The following DMD variants were observed in gnomAD, a reference collection of about 807,000 sequenced individuals.
DMD encodes mutant dystrophin.
Under a neutral mutation model 330.1 loss-of-function variants are expected in DMD, and 63 were observed. The observed-to-expected ratio is 0.19, with a 90% confidence interval of 0.16 to 0.24. DMD has a LOEUF of 0.24. DMD is among the 10% of genes least tolerant of loss of function. The probability of loss-of-function intolerance (pLI) is 1.00; values close to 1 mark genes in which losing one functional copy is unlikely to be tolerated. For synonymous variants in DMD, 1,223 were observed against 959.8 expected, an observed-to-expected ratio of 1.27 and a Z score of -5.07; for missense variants, 3,344 against 2,684.1, an observed-to-expected ratio of 1.25 and a Z score of -5.43.
At chrX:32,136,740 G>A (rs1379224880) in intron 44 of DMD, among the ~76,000 whole-genome samples, 21 of 111,190 alleles carry the variant, frequency 1.9e-4, no homozygotes, top group African/African-American at 6.9e-4. Flanking sequence ...CTAATCCACC[G>A]ATGGATGAAG....
At chrX:31,357,366 C>A (rs192256520) in intron 60 of DMD, among the ~76,000 whole-genome samples, 2 of 103,986 alleles carry the variant, frequency 1.9e-5, no homozygotes, top group Non-Finnish European at 3.9e-5. Flanking sequence ...TACCATAGAA[C>A]TGGTATTGTC....
At chrX:31,162,312 G>T (rs761613920) in intron 74 of DMD, among the ~76,000 whole-genome samples, 112 of 90,848 alleles carry the variant, frequency 1.2e-3, no homozygotes, top group African/African-American at 4.5e-3. Context: ...GGGACAATTG[G>T]CAAATGAAGG....
chrX:33,084,708 ATGAC>A, intron 1 of DMD, among the ~76,000 whole-genome samples: 1 of 111,680 alleles, frequency 9.0e-6, no homozygotes, highest in Non-Finnish European at 1.9e-5. Context: ...CTCCAGCTGC[ATGAC>A]TCCTAAACCA....
chrX:33,214,468 A>G (rs954400382), upstream of DMD, among the ~76,000 whole-genome samples: 21 of 111,284 alleles, frequency 1.9e-4, no homozygotes, highest in African/African-American at 6.9e-4. Context: ...CATATGTCCA[A>G]TATTTAGGTT....
intron 44 of DMD, among the ~76,000 whole-genome samples, chrX:32,028,679 G>A (rs376034709): frequency 3.6e-5 from 4 of 111,374 alleles, no homozygotes; most frequent in African/African-American, 6.5e-5. Flanking sequence ...AGTTGCTGCC[G>A]TCCTTCTTGA....
intron 27 of DMD, among the ~76,000 whole-genome samples, chrX:32,443,655 G>T (rs1480793295): frequency 9.0e-6 from 1 of 110,915 alleles, no homozygotes; most frequent in African/African-American, 3.3e-5. Context: ...GCATCTGAAG[G>T]ACACAGCTGG....
intron 2 of DMD, among the ~76,000 whole-genome samples, chrX:32,940,066 G>A (rs1315506849): frequency 9.0e-6 from 1 of 111,449 alleles, no homozygotes; most frequent in Non-Finnish European, 1.9e-5. Context: ...GAGCCCAAAA[G>A]TAATCCTAAG....
chrX:31,696,641 T>C (rs1413172507), intron 52 of DMD, among the ~76,000 whole-genome samples: 2 of 112,233 alleles, frequency 1.8e-5, no homozygotes, highest in Non-Finnish European at 3.8e-5. Flanking sequence ...ATTTATTAAA[T>C]AGGGAATTTG....
intron 44 of DMD, among the ~76,000 whole-genome samples, chrX:32,045,930 G>A (rs1314155895): frequency 8.9e-6 from 1 of 112,136 alleles, no homozygotes; most frequent in East Asian, 2.8e-4. Flanking sequence ...TAAATTGACT[G>A]ACAATTTCAT....
At chrX:32,427,400 G>C (rs185223169) in intron 29 of DMD, among the ~76,000 whole-genome samples, 1 of 110,824 alleles carries the variant, frequency 9.0e-6, no homozygotes, top group African/African-American at 3.3e-5. Context: ...ATAATATTTT[G>C]GGAATAATTA....
chrX:32,431,548 C>A (rs1220664691), intron 29 of DMD, among the ~76,000 whole-genome samples: 1 of 111,087 alleles, frequency 9.0e-6, no homozygotes, highest in Admixed American at 9.6e-5. Context: ...TTGTTCACAT[C>A]TTCCACCTCC....
chrX:32,602,309 G>A (rs906630430), intron 12 of DMD, among the ~76,000 whole-genome samples: 1 of 109,296 alleles, frequency 9.1e-6, no homozygotes, highest in African/African-American at 3.3e-5. Flanking sequence ...TACAATCCAT[G>A]CATGCACCCA....
intron 64 of DMD, 28 bp from the exon 65 acceptor site, chrX:31,209,727 G>T (rs1390288111): frequency 8.5e-7 from 1 of 1,178,160 alleles, no homozygotes; most frequent in Non-Finnish European, 1.2e-6. Context: ...AATCACAAAT[G>T]ACTCAAAGAG....
At chrX:32,857,816 C>A (rs1229322045) in intron 2 of DMD, among the ~76,000 whole-genome samples, 1 of 111,436 alleles carries the variant, frequency 9.0e-6, no homozygotes, top group Admixed American at 9.6e-5. Flanking sequence ...GGTTTGGAGA[C>A]AAAGTCTAGG....
intron 17 of DMD, among the ~76,000 whole-genome samples, chrX:32,535,185 G>A (rs1686346054): frequency 1.8e-5 from 2 of 111,382 alleles, no homozygotes; most frequent in African/African-American, 6.5e-5. Context: ...AGATTCTTGG[G>A]GAGATTAAGT....
chrX:32,919,218 G>T (rs1450823157), intron 2 of DMD, among the ~76,000 whole-genome samples: 2 of 111,931 alleles, frequency 1.8e-5, no homozygotes, highest in Admixed American at 9.5e-5. Context: ...GGCTTGAAAA[G>T]ATCAAAATCA....
At chrX:32,592,897 G>C (rs1050464455) in intron 13 of DMD, among the ~76,000 whole-genome samples, 1 of 112,741 alleles carries the variant, frequency 8.9e-6, no homozygotes, top group Admixed American at 9.3e-5. Context: ...GCTACTTGTG[G>C]TACATCTGGT....
chrX:31,680,277 T>C (rs898295350), intron 52 of DMD, among the ~76,000 whole-genome samples: 8 of 111,879 alleles, frequency 7.2e-5, no homozygotes, highest in Non-Finnish European at 1.5e-4. Flanking sequence ...CTGATTAATT[T>C]ACCCCCCAAA....
chrX:32,683,634 G>T (rs1333653629), intron 9 of DMD, among the ~76,000 whole-genome samples: 1 of 81,295 alleles, frequency 1.2e-5, no homozygotes, highest in African/African-American at 4.7e-5. Context: ...CACACACTGG[G>T]TCCCGTAGTG....
Sources: gnomAD v4.1 joint callset for allele counts (sites outside exome capture counted in the v4.1 genomes callset) on GRCh38, gnomAD v4.1.1 for gene constraint, MANE v1.5 for transcripts, NCBI Gene and HGNC (gene_info 2026-07-23, HGNC 2026-07-21) for gene names.